ME3: variants seen among roughly 807,000 people sequenced by gnomAD.
The protein encoded by ME3 is malic enzyme 3.
A neutral mutation model predicts 68.9 loss-of-function variants in ME3; 48 were observed. The ratio of observed to expected loss-of-function variants is 0.70; its 90% CI spans 0.55 to 0.89. The LOEUF is 0.89. Among genes scored for constraint, ME3 ranks in the 40% least tolerant of loss-of-function variants. ME3 has a pLI of 0.00. For synonymous variants in ME3, 320 were observed against 318.8 expected (o/e 1.00, Z -0.04); for missense variants, 675 against 797.4 (o/e 0.85, Z 1.85).
intron 5 of ME3, among the ~76,000 whole-genome samples, 172 bp downstream of exon 5, chr11:86,508,620 C>A (rs1400447538): frequency 6.6e-6 from 1 of 152,204 alleles, no homozygotes; most frequent in Non-Finnish European, 1.5e-5. Context: ...ATGCAAACCT[C>A]TGCTCTGTGG....
chr11:86,609,017 C>A (rs1942363282), intron 2 of ME3, among the ~76,000 whole-genome samples: 1 of 152,202 alleles, frequency 6.6e-6, no homozygotes, highest in Non-Finnish European at 1.5e-5. Context: ...GCATTTTTCT[C>A]ATGTAATCTT....
At position 86,556,647 on chromosome 11, in the gene ME3, G is replaced by C. The variant is rs773540037; in HGVS notation, c.373C>G (p.Leu125Val). 2.1e-5 allele frequency: 34 copies of C among 1,614,026 alleles called. 1 individual carries two copies. In the Admixed American group the frequency reaches 2.7e-4, roughly 13 times the overall value. Residue 125 changes from leucine to valine, a missense_variant, in exon 4 of 15, where the codon CTG (leucine) becomes GTG (valine). By Grantham distance (32) the Leu-to-Val change is conservative (BLOSUM62 1). Transcript: ENST00000543262. Reference sequence around the variant, plus strand: ...ATGAACTTCTCCACGTCCGAAGTCAGCACTCGGTAGAAGAGCTTCTCGTTC... The same window carrying C: ...ATGAACTTCTCCACGTCCGAAGTCACCACTCGGTAGAAGAGCTTCTCGTTC...
intron 2 of ME3, among the ~76,000 whole-genome samples, chr11:86,652,747 T>C (rs1464890625): frequency 6.6e-6 from 1 of 151,882 alleles, no homozygotes; most frequent in Non-Finnish European, 1.5e-5. Flanking sequence ...CATAACAATA[T>C]CAACCTTAAA....
intron 6 of ME3, 47 bp from the exon 7 acceptor site, chr11:86,487,487 GTTT>G (rs759580667): frequency 8.6e-6 from 10 of 1,168,906 alleles, no homozygotes; most frequent in East Asian, 2.9e-5. Context: ...CGGTGTTCCT[GTTT>G]TTTTTTTTTC....
At chr11:86,529,823 C>T (rs1014362549) in intron 4 of ME3, among the ~76,000 whole-genome samples, 8 of 152,186 alleles carry the variant, frequency 5.3e-5, no homozygotes, top group Non-Finnish European at 1.2e-4. Context: ...GCTAAAAACT[C>T]TCAATAAATT....
At chr11:86,493,244 A>G (rs369446278) in intron 6 of ME3, among the ~76,000 whole-genome samples, 1 of 152,190 alleles carries the variant, frequency 6.6e-6, no homozygotes, top group African/African-American at 2.4e-5. Context: ...ATCTGCTCCC[A>G]TGTTTGTTTC....
chr11:86,448,310 G>T, intron 10 of ME3, 55 bp from the exon 11 acceptor site: 1 of 1,304,996 alleles, frequency 7.7e-7, no homozygotes, highest in Non-Finnish European at 1.1e-6. Context: ...TTGGGTAGGA[G>T]TACAGATGCA....
intron 4 of ME3, among the ~76,000 whole-genome samples, chr11:86,531,343 G>T (rs1312705975): frequency 2.0e-5 from 3 of 151,992 alleles, no homozygotes; most frequent in Non-Finnish European, 4.4e-5. Flanking sequence ...AAAAAGTCAG[G>T]AAACAACAGG....
intron 4 of ME3, among the ~76,000 whole-genome samples, chr11:86,550,004 C>T (rs1166070971): frequency 6.6e-6 from 1 of 152,142 alleles, no homozygotes; most frequent in South Asian, 2.1e-4. Flanking sequence ...AAGATCCAAG[C>T]TGTAAAGAAT....
chr11:86,559,577 T>C (rs1480127593), intron 3 of ME3, 113 bp downstream of exon 3: 12 of 1,321,466 alleles, frequency 9.1e-6, no homozygotes, highest in Non-Finnish European at 1.2e-5. Context: ...GGGATCTCTT[T>C]GGGCTCTCAG....
intron 7 of ME3, among the ~76,000 whole-genome samples, chr11:86,475,851 G>GTATATATATATATATA (rs68158647): frequency 1.0e-4 from 12 of 114,634 alleles, no homozygotes; most frequent in South Asian, 3.0e-4. Flanking sequence ...CTAATATTCA[G>GTATATATATATATATA]TATATATATA....
At chr11:86,633,733 G>A (rs1439985816) in intron 2 of ME3, among the ~76,000 whole-genome samples, 3 of 152,210 alleles carry the variant, frequency 2.0e-5, no homozygotes, top group African/African-American at 7.2e-5. Flanking sequence ...CCCGGAAGAG[G>A]AGAGGAGTCT....
At chr11:86,547,239 C>CAAAAAAAAAAAAAAAAAA (rs1169843852) in intron 4 of ME3, among the ~76,000 whole-genome samples, 1 of 46,004 alleles carries the variant, frequency 2.2e-5, no homozygotes, top group Admixed American at 2.5e-4. Flanking sequence ...GACTCCATCT[C>CAAAAAAAAAAAAAAAAAA]AAAAAAAAAA....
chr11:86,525,138 C>G (rs149727901), intron 4 of ME3, among the ~76,000 whole-genome samples: 2 of 152,178 alleles, frequency 1.3e-5, no homozygotes, highest in Non-Finnish European at 2.9e-5. Flanking sequence ...TCTAGGTCAT[C>G]TGGTTAGTAG....
chr11:86,660,567 T>C (rs1267820064), intron 2 of ME3, among the ~76,000 whole-genome samples: 2 of 152,142 alleles, frequency 1.3e-5, no homozygotes, highest in East Asian at 3.9e-4. Flanking sequence ...GAATCTTAGA[T>C]TGTTCTGAGT....
intron 2 of ME3, among the ~76,000 whole-genome samples, chr11:86,565,379 A>G (rs888307927): frequency 3.9e-5 from 6 of 152,248 alleles, no homozygotes; most frequent in Admixed American, 2.6e-4. Flanking sequence ...GCTCCTAGGT[A>G]TATACCCAAA....
At chr11:86,538,236 T>C (rs1955818161) in intron 4 of ME3, among the ~76,000 whole-genome samples, 1 of 152,176 alleles carries the variant, frequency 6.6e-6, no homozygotes, top group Non-Finnish European at 1.5e-5. Context: ...GATTTCAATA[T>C]GGAACAAGGA....
At chr11:86,495,414 T>C (rs150921568) in intron 6 of ME3, among the ~76,000 whole-genome samples, 1 of 152,330 alleles carries the variant, frequency 6.6e-6, no homozygotes, top group Non-Finnish European at 1.5e-5. Flanking sequence ...AGGATCCCAA[T>C]GCACCAGGGC....
intron 2 of ME3, among the ~76,000 whole-genome samples, chr11:86,606,896 A>G (rs1961744838): frequency 6.6e-6 from 1 of 152,218 alleles, no homozygotes; most frequent in South Asian, 2.1e-4. Context: ...AAATGTAAAT[A>G]TGTGAGGTTG....
Sources: allele counts gnomAD v4.1 joint callset (sites outside exome capture counted in the v4.1 genomes callset), GRCh38; gene constraint gnomAD v4.1.1; transcripts MANE v1.5; gene names NCBI Gene and HGNC (gene_info 2026-07-23, HGNC 2026-07-21).